PYY: variants seen among roughly 807,000 people sequenced by gnomAD.
PYY encodes the protein peptide YY.
PYY carries 12 observed loss-of-function variants against 10.3 expected under a neutral mutation model. The ratio of observed to expected loss-of-function variants is 1.17; its 90% CI spans 0.75 to 1.89. The LOEUF (loss-of-function observed/expected upper bound fraction) is 1.89. PYY is among the 40% of genes most tolerant of loss of function. PYY has a pLI of 0.00. For synonymous variants in PYY, 66 were observed against 62.0 expected (o/e 1.06, Z -0.30); for missense variants, 141 against 134.0 (o/e 1.05, Z -0.26).
chr17:43,972,722 T>G (rs892412374), intron 1 of PYY, among the ~76,000 whole-genome samples: 1 of 151,712 alleles, frequency 6.6e-6, no homozygotes, highest in Non-Finnish European at 1.5e-5. Context: ...TTTTTGGTTT[T>G]GTTTTGTTTT....
chr17:43,960,982 G>A (rs1238147731), intron 2 of PYY, among the ~76,000 whole-genome samples: 2 of 152,050 alleles, frequency 1.3e-5, no homozygotes, highest in Non-Finnish European at 2.9e-5. Flanking sequence ...AGCACTTTGG[G>A]AGGCTGAGGC....
intron 1 of PYY, among the ~76,000 whole-genome samples, chr17:44,000,264 GCAGGCA>G (rs1460516794): frequency 6.6e-6 from 1 of 152,198 alleles, no homozygotes; most frequent in African/African-American, 2.4e-5. Context: ...GCTGTGTAGT[GCAGGCA>G]CAGGATAGAT....
At chr17:43,988,583 T>C (rs2048929901) in intron 1 of PYY, among the ~76,000 whole-genome samples, 1 of 152,200 alleles carries the variant, frequency 6.6e-6, no homozygotes, top group Non-Finnish European at 1.5e-5. Flanking sequence ...CATGTTGTGA[T>C]GATTTCTGTA....
In PYY at chr17:43,990,881, C is replaced by T. The variant is rs557719013; in HGVS notation, c.-463+13510G>A. Reference sequence around the variant, plus strand: ...CGATCTCGGCTCACTGCAAGCTTCGCCTCCCGGGTTCACGCCATTCTCCTG... The same window carrying T: ...CGATCTCGGCTCACTGCAAGCTTCGTCTCCCGGGTTCACGCCATTCTCCTG... On this transcript the variant is annotated intron_variant, in intron 1 of 6. Transcript: ENST00000360085. Among the ~76,000 whole-genome samples, 713 of 150,620 alleles carry T rather than the reference C, an allele frequency of 4.7e-3. 5 individuals are homozygous for T. The highest frequency in any genetic ancestry group is 6.1e-3 in the Non-Finnish European group (413 of 67,742).
chr17:43,958,986 A>G (rs2048694091), intron 2 of PYY, among the ~76,000 whole-genome samples: 2 of 152,244 alleles, frequency 1.3e-5, no homozygotes. Flanking sequence ...TGAAAGATAA[A>G]CCATTAAGGG....
chr17:43,961,757 G>A (rs1045754371), intron 2 of PYY, among the ~76,000 whole-genome samples: 3 of 152,018 alleles, frequency 2.0e-5, no homozygotes, highest in Non-Finnish European at 2.9e-5. Flanking sequence ...GGCCAGGCTG[G>A]TCTTGAACTC....
upstream of PYY, among the ~76,000 whole-genome samples, chr17:43,954,805 C>T (rs1372939050): frequency 6.6e-6 from 1 of 152,254 alleles, no homozygotes; most frequent in Non-Finnish European, 1.5e-5. Context: ...TGGCAGTCTC[C>T]ACTGGGCTCT....
intron 1 of PYY, among the ~76,000 whole-genome samples, chr17:43,998,591 G>T (rs1198758349): frequency 1.3e-5 from 2 of 151,968 alleles, no homozygotes; most frequent in African/African-American, 4.8e-5. Context: ...AAGAAACAGG[G>T]TTTCACTGTG....
chr17:43,976,067 A>G (rs1303442037), intron 1 of PYY, among the ~76,000 whole-genome samples: 1 of 148,010 alleles, frequency 6.8e-6, no homozygotes, highest in African/African-American at 2.5e-5. Flanking sequence ...ATACATGTAT[A>G]CGCGTATGTA....
At chr17:44,000,955 G>C (rs1485518833) in intron 1 of PYY, among the ~76,000 whole-genome samples, 2 of 152,174 alleles carry the variant, frequency 1.3e-5, no homozygotes, top group Admixed American at 1.3e-4. Flanking sequence ...GTACAGATGA[G>C]TGTCTGTGTG....
At chr17:43,968,946 A>G (rs1597848219) in intron 1 of PYY, among the ~76,000 whole-genome samples, 1 of 151,780 alleles carries the variant, frequency 6.6e-6, no homozygotes, top group East Asian at 2.0e-4. Context: ...TGTCTCTACT[A>G]AAAATATAAA....
chr17:43,977,972 G>A (rs2048859484), intron 1 of PYY, among the ~76,000 whole-genome samples: 1 of 152,116 alleles, frequency 6.6e-6, no homozygotes, highest in Admixed American at 6.6e-5. Flanking sequence ...GGCTGAGGCA[G>A]GCGGATTGCT....
chr17:43,977,442 G>T (rs569265956), intron 1 of PYY, among the ~76,000 whole-genome samples: 1 of 152,048 alleles, frequency 6.6e-6, no homozygotes, highest in South Asian at 2.1e-4. Context: ...ACTCCTGGAC[G>T]CCCCTTGCAC....
chr17:43,958,166 A>G (rs1187644020), upstream of PYY: 2 of 150,608 alleles, frequency 1.3e-5, no homozygotes, highest in Non-Finnish European at 2.9e-5. Context: ...AAGAATGGGC[A>G]TGGTAGTGCT....
At chr17:43,975,425 A>T (rs2048821846) in intron 1 of PYY, among the ~76,000 whole-genome samples, 1 of 152,046 alleles carries the variant, frequency 6.6e-6, no homozygotes. Flanking sequence ...AACAGTGGGT[A>T]GGCTGAGCAC....
chr17:43,959,811 C>G (rs1003687952), intron 2 of PYY, among the ~76,000 whole-genome samples: 1 of 152,274 alleles, frequency 6.6e-6, no homozygotes, highest in African/African-American at 2.4e-5. Flanking sequence ...CATGAATGCT[C>G]CTGTTTGAAT....
chr17:43,967,939 G>C (rs1352450768), intron 1 of PYY, among the ~76,000 whole-genome samples: 3 of 152,116 alleles, frequency 2.0e-5, no homozygotes, highest in Admixed American at 2.0e-4. Flanking sequence ...GGAAAGGGAA[G>C]GTCTAGCACT....
chr17:43,954,990 C>A (rs369590849), upstream of PYY, among the ~76,000 whole-genome samples: 5 of 152,322 alleles, frequency 3.3e-5, 1 homozygote, highest in African/African-American at 9.6e-5. Flanking sequence ...ACAATTCAAA[C>A]AGGAAAAGCA....
intron 1 of PYY, among the ~76,000 whole-genome samples, chr17:43,992,347 G>A (rs183590032): frequency 7.2e-5 from 11 of 152,098 alleles, no homozygotes; most frequent in East Asian, 1.9e-4. Context: ...TTGGGAGGCC[G>A]AGGCAGATGG....
Sources: allele counts gnomAD v4.1 joint callset (sites outside exome capture counted in the v4.1 genomes callset), GRCh38; gene constraint gnomAD v4.1.1; transcripts MANE v1.5; gene names NCBI Gene and HGNC (gene_info 2026-07-23, HGNC 2026-07-21).